Variants in CA6 observed in about 807,000 individuals in gnomAD.
The protein encoded by CA6 is carbonic anhydrase 6, also known as carbonate dehydratase VI.
Under a neutral mutation model 35.9 loss-of-function variants are expected in CA6, and 28 were observed. That is an observed-to-expected ratio of 0.78 (90% confidence interval 0.58 to 1.07). The LOEUF (loss-of-function observed/expected upper bound fraction) is 1.07, where lower values mean the gene tolerates loss of function less well. Among genes scored for constraint, CA6 ranks in the 50% least tolerant of loss-of-function variants. CA6 has a pLI of 0.00. For missense variants in CA6, 377 were observed against 382.0 expected (o/e 0.99, Z 0.11); for synonymous variants, 148 against 152.6 (o/e 0.97, Z 0.22).
At chr1:8,951,790 C>T (rs1456806682) in intron 2 of CA6, 10 of 611,284 alleles carry the variant, frequency 1.6e-5, no homozygotes, top group Non-Finnish European at 2.6e-5. Context: ...TAGAGTGGAC[C>T]CAAAGTTCAC....
chr1:8,959,054 C>A, intron 4 of CA6, 52 bp downstream of exon 4: 1 of 1,060,816 alleles, frequency 9.4e-7, no homozygotes, highest in East Asian at 2.4e-5. Flanking sequence ...AGGTTGATGT[C>A]CAAACAAGGT....
intron 5 of CA6, among the ~76,000 whole-genome samples, chr1:8,964,922 C>A (rs1639931578): frequency 6.6e-6 from 1 of 152,148 alleles, no homozygotes; most frequent in South Asian, 2.1e-4. Flanking sequence ...CTCAGTGACT[C>A]CACGCAGTCC....
intron 5 of CA6, among the ~76,000 whole-genome samples, chr1:8,967,081 C>CT (rs1639988179): frequency 6.6e-6 from 1 of 152,166 alleles, no homozygotes; most frequent in African/African-American, 2.4e-5. Flanking sequence ...CCTTGGCCTC[C>CT]CAGAGTGTTG....
intron 2 of CA6, among the ~76,000 whole-genome samples, chr1:8,955,035 C>A (rs530679943): frequency 1.6e-5 from 1 of 61,680 alleles, no homozygotes; most frequent in Non-Finnish European, 4.4e-5. Context: ...GTTGGTGGGC[C>A]GGCACTGATC....
chr1:8,947,912 T>C lies in CA6; in HGVS notation c.80-1351T>C, dbSNP rs560864058. ...CAGGCTGGAGTGCAGTGGCGCGATC[T>C]CGGCTCACCGCAACCTCTGCCTCCT... On this transcript the variant is annotated intron_variant, in intron 1 of 7. Transcript: ENST00000377443. Among the ~76,000 whole-genome samples, 401 of 151,094 alleles carry C rather than the reference T, an allele frequency of 2.7e-3. 3 individuals carry two copies. The highest frequency in any genetic ancestry group is 9.4e-3 in the African/African-American group (383 of 40,704).
At chr1:8,966,111 T>C (rs1163094232) in intron 5 of CA6, among the ~76,000 whole-genome samples, 1 of 152,146 alleles carries the variant, frequency 6.6e-6, no homozygotes, top group Non-Finnish European at 1.5e-5. Context: ...TATGTTTTTT[T>C]AATTTTAATT....
chr1:8,954,212 C>G (rs924568416), intron 2 of CA6, among the ~76,000 whole-genome samples: 8 of 148,472 alleles, frequency 5.4e-5, no homozygotes, highest in Non-Finnish European at 1.2e-4. Flanking sequence ...TGCTCTGAGG[C>G]TGGAGTGCAG....
chr1:8,962,441 T>C, intron 4 of CA6, 146 bp from the exon 5 acceptor site: 3 of 670,830 alleles, frequency 4.5e-6, no homozygotes, highest in Non-Finnish European at 5.4e-6. Flanking sequence ...CCAGACTGTC[T>C]CTGCCAAAAC....
chr1:8,949,850 C>A (rs749123983), intron 2 of CA6, among the ~76,000 whole-genome samples: 1 of 152,092 alleles, frequency 6.6e-6, no homozygotes, highest in Non-Finnish European at 1.5e-5. Flanking sequence ...CAGGTAGGAC[C>A]AGGGTTTCTC....
At chr1:8,955,569 G>A (rs929215354) in intron 2 of CA6, among the ~76,000 whole-genome samples, 2 of 136,784 alleles carry the variant, frequency 1.5e-5, no homozygotes, top group Non-Finnish European at 3.2e-5. Flanking sequence ...GCTCTGCTCG[G>A]GTCCTCAGCT....
chr1:8,959,110 T>G, intron 4 of CA6, 108 bp downstream of exon 4: 1 of 689,100 alleles, frequency 1.5e-6, no homozygotes, highest in Non-Finnish European at 2.6e-6. Flanking sequence ...TCTTCATCTT[T>G]TCCTGAGCTC....
In CA6 at chr1:8,950,852, C is replaced by T. The variant is rs149823810; in HGVS notation, c.259+1410C>T. On this transcript the variant is annotated intron_variant, in intron 2 of 7. Coordinates refer to ENST00000377443, the MANE Select transcript of CA6 (RefSeq NM_001215.4). ...CTGTACTCCACCCTGGGCAACAGAGCGAGACCGTTTCTTTAAAATAAAAAA... is the reference window on the plus strand; with the variant it reads ...CTGTACTCCACCCTGGGCAACAGAGTGAGACCGTTTCTTTAAAATAAAAAA... Among the ~76,000 whole-genome samples, 256 of 150,692 alleles carry T rather than the reference C, an allele frequency of 1.7e-3. 5 individuals carry two copies. The highest frequency in any genetic ancestry group is 6.1e-3 in the African/African-American group (246 of 40,536).
At chr1:8,970,741 T>C (rs1640087218) in intron 6 of CA6, 126 bp from the exon 7 acceptor site, 1 of 701,016 alleles carries the variant, frequency 1.4e-6, no homozygotes, top group African/African-American at 1.7e-5. Context: ...GCTCAAGTGA[T>C]CTGCCCGCCC....
chr1:8,959,658 G>A (rs953507962), intron 4 of CA6, among the ~76,000 whole-genome samples: 3 of 151,962 alleles, frequency 2.0e-5, no homozygotes, highest in East Asian at 2.0e-4. Context: ...GGGGCCGGGC[G>A]TGGTGGCTCA....
At chr1:8,974,373 A>G in intron 7 of CA6, 1 of 1,533,650 alleles carries the variant, frequency 6.5e-7, no homozygotes, top group Non-Finnish European at 8.7e-7. Flanking sequence ...GCATCGTGGG[A>G]GAAGCCAAAA....
chr1:8,966,975 T>TAAAA (rs1346438523), intron 5 of CA6, among the ~76,000 whole-genome samples: 1 of 96,752 alleles, frequency 1.0e-5, no homozygotes, highest in African/African-American at 8.2e-5. Context: ...ATTTATTATT[T>TAAAA]AAAAAAATAA....
At chr1:8,957,426 C>T (rs908777236) in intron 3 of CA6, 141 bp downstream of exon 3, 16 of 730,820 alleles carry the variant, frequency 2.2e-5, no homozygotes, top group East Asian at 1.8e-4. Flanking sequence ...CTGCAACCTC[C>T]GCCTTCTGGG....
chr1:8,964,217 T>C (rs1639911756), intron 5 of CA6, among the ~76,000 whole-genome samples: 1 of 152,192 alleles, frequency 6.6e-6, no homozygotes, highest in African/African-American at 2.4e-5. Context: ...ATTCTCTCCC[T>C]GGTCTTCTGC....
intron 4 of CA6, among the ~76,000 whole-genome samples, chr1:8,961,285 A>T (rs1639837385): frequency 6.6e-6 from 1 of 152,224 alleles, no homozygotes; most frequent in African/African-American, 2.4e-5. Flanking sequence ...TGGAGAATAG[A>T]AAAGACTACA....
Sources: gnomAD v4.1 joint callset for allele counts (sites outside exome capture counted in the v4.1 genomes callset) on GRCh38, gnomAD v4.1.1 for gene constraint, MANE v1.5 for transcripts, NCBI Gene and HGNC (gene_info 2026-07-23, HGNC 2026-07-21) for gene names.